The following SLC4A4 variants were observed in gnomAD, a reference collection of about 807,000 sequenced individuals.
SLC4A4 encodes the protein electrogenic sodium bicarbonate cotransporter 1.
SLC4A4 carries 27 observed loss-of-function variants against 111.5 expected under a neutral mutation model. That is an observed-to-expected ratio of 0.24 (90% confidence interval 0.18 to 0.33). SLC4A4 has a LOEUF of 0.33. Ranked by LOEUF, SLC4A4 falls within the 10% of genes least tolerant of loss-of-function variation. SLC4A4 has a pLI of 1.00. For missense variants in SLC4A4, 909 were observed against 1,315.5 expected, an observed-to-expected ratio of 0.69 and a Z score of 4.78; for synonymous variants, 443 against 463.4, an observed-to-expected ratio of 0.96 and a Z score of 0.57.
chr4:71,430,997 A>G (rs1274563690), intron 7 of SLC4A4, among the ~76,000 whole-genome samples: 1 of 151,994 alleles, frequency 6.6e-6, no homozygotes, highest in Non-Finnish European at 1.5e-5. Flanking sequence ...TTAAGAAGAG[A>G]GTTAGGAAGG....
chr4:71,127,667 T>G (rs1023979434), intron 2 of SLC4A4, among the ~76,000 whole-genome samples: 1 of 152,334 alleles, frequency 6.6e-6, no homozygotes, highest in African/African-American at 2.4e-5. Context: ...TAATTTTTAT[T>G]TCACTTTTTA....
chr4:71,439,005 GA>G (rs57756598), intron 7 of SLC4A4, among the ~76,000 whole-genome samples: 4,576 of 138,972 alleles, frequency 0.033, 137 homozygotes, highest in African/African-American at 0.081. Flanking sequence ...TTCTATCTCA[GA>G]AAAAAAAAAA....
chr4:71,495,953 G>C (rs191533397), intron 15 of SLC4A4, among the ~76,000 whole-genome samples: 1 of 152,146 alleles, frequency 6.6e-6, no homozygotes. Flanking sequence ...TCCCAGGAAA[G>C]AGCCAGATTG....
intron 7 of SLC4A4, among the ~76,000 whole-genome samples, chr4:71,404,341 A>G (rs1388198735): frequency 6.6e-6 from 1 of 152,180 alleles, no homozygotes; most frequent in Non-Finnish European, 1.5e-5. Context: ...ATGTGTAGGA[A>G]CAGGACAGAA....
intron 19 of SLC4A4, 64 bp from the exon 20 acceptor site, chr4:71,547,584 G>T: frequency 1.5e-6 from 2 of 1,356,486 alleles, no homozygotes; most frequent in South Asian, 2.3e-5. Context: ...TTTTGAAGGT[G>T]AAAAGACAAG....
At chr4:71,193,194 C>CT (rs1745815464) in intron 1 of SLC4A4, among the ~76,000 whole-genome samples, 1 of 152,222 alleles carries the variant, frequency 6.6e-6, no homozygotes, top group Admixed American at 6.5e-5. Flanking sequence ...GTCGCCCTGT[C>CT]TGTCGCCCAG....
At chr4:71,062,976 G>T (rs954706678) in intron 1 of SLC4A4, among the ~76,000 whole-genome samples, 1 of 152,084 alleles carries the variant, frequency 6.6e-6, no homozygotes, top group African/African-American at 2.4e-5. Flanking sequence ...GTGCACACAC[G>T]CAAGTATATA....
At chr4:71,182,052 A>G (rs1301091473) in intron 2 of SLC4A4, among the ~76,000 whole-genome samples, 1 of 152,136 alleles carries the variant, frequency 6.6e-6, no homozygotes, top group Non-Finnish European at 1.5e-5. Context: ...AATGGACATT[A>G]TTTTGTCCAC....
intron 6 of SLC4A4, among the ~76,000 whole-genome samples, chr4:71,379,976 A>T (rs1717950189): frequency 6.6e-6 from 1 of 152,174 alleles, no homozygotes; most frequent in Non-Finnish European, 1.5e-5. Context: ...CAGACACTTC[A>T]TAAATATTTG....
intron 16 of SLC4A4, among the ~76,000 whole-genome samples, chr4:71,514,323 C>G (rs934239689): frequency 3.3e-5 from 5 of 152,064 alleles, no homozygotes; most frequent in African/African-American, 9.7e-5. Context: ...AGAACCTCCC[C>G]CTTCACCCTC....
chr4:71,338,377 A>C (rs950893723), intron 3 of SLC4A4, among the ~76,000 whole-genome samples: 1 of 152,106 alleles, frequency 6.6e-6, no homozygotes, highest in African/African-American at 2.4e-5. Context: ...ATCCATAATA[A>C]ATATATTTGT....
intron 3 of SLC4A4, among the ~76,000 whole-genome samples, chr4:71,269,044 T>G (rs1722509367): frequency 1.3e-5 from 2 of 152,180 alleles, no homozygotes; most frequent in South Asian, 4.1e-4. Flanking sequence ...GGGTCACACA[T>G]GCTGTGTTGG....
chr4:71,219,736 A>G (rs1718633376), intron 1 of SLC4A4, among the ~76,000 whole-genome samples: 1 of 151,992 alleles, frequency 6.6e-6, no homozygotes, highest in Non-Finnish European at 1.5e-5. Context: ...CAAAATATCT[A>G]CAGAAACAGA....
intron 3 of SLC4A4, among the ~76,000 whole-genome samples, chr4:71,285,410 G>C (rs1395187271): frequency 6.6e-6 from 1 of 152,114 alleles, no homozygotes; most frequent in Non-Finnish European, 1.5e-5. Context: ...GGGAGACTGA[G>C]GGCAAATTGC....
intron 13 of SLC4A4, among the ~76,000 whole-genome samples, chr4:71,470,205 A>T (rs1727736081): frequency 6.6e-6 from 1 of 152,032 alleles, no homozygotes; most frequent in Admixed American, 6.6e-5. Flanking sequence ...TCTATAGTTT[A>T]CTTATCTCAC....
rs993911141 is a variant in SLC4A4 at position 71,571,377 on chromosome 4, A to T, written c.*3626A>T. ...CATGAGCATGAAGCCCAGTGGCACC[A>T]AATGGCTGGGTACAATCAAGTGATA... On this transcript the variant is annotated 3_prime_UTR_variant, in exon 26 of 26. Coordinates refer to ENST00000264485, the MANE Select transcript of SLC4A4 (RefSeq NM_001098484.3). The T allele has an allele frequency of 6.6e-6, 1 of 152,206 alleles. No homozygotes were observed. Among genetic ancestry groups the T allele is most frequent in the Non-Finnish European group, 1.5e-5 (1 of 67,894 alleles). The allele number at this position is 152,206 out of a possible 1,614,324, so 9.4% of individuals were successfully genotyped here. A position where few individuals can be genotyped will look rare whatever the true frequency, so the allele number is the denominator to read the frequency against.
chr4:71,454,628 T>C (rs563815270), intron 12 of SLC4A4, among the ~76,000 whole-genome samples: 3 of 152,304 alleles, frequency 2.0e-5, no homozygotes, highest in South Asian at 2.1e-4. Context: ...ATGCATATTT[T>C]AGATTTTTGT....
At chr4:71,290,165 C>T (rs532499124) in intron 3 of SLC4A4, among the ~76,000 whole-genome samples, 1 of 152,226 alleles carries the variant, frequency 6.6e-6, no homozygotes, top group South Asian at 2.1e-4. Context: ...AGTTACTAGA[C>T]AGGATTACAG....
intron 7 of SLC4A4, chr4:71,437,251 C>T (rs563422731): frequency 2.7e-6 from 1 of 367,584 alleles, no homozygotes; most frequent in African/African-American, 2.1e-5. Flanking sequence ...GATATCAAGC[C>T]TTTGCCCAGT....
Sources: allele counts gnomAD v4.1 joint callset (sites outside exome capture counted in the v4.1 genomes callset), GRCh38; gene constraint gnomAD v4.1.1; transcripts MANE v1.5; gene names NCBI Gene and HGNC (gene_info 2026-07-23, HGNC 2026-07-21).